SAA1: variants seen among roughly 807,000 people sequenced by gnomAD.
SAA1 encodes serum amyloid A-1 protein.
Under a neutral mutation model 9.8 loss-of-function variants are expected in SAA1, and 4 were observed. The ratio of observed to expected loss-of-function variants is 0.41; its 90% confidence interval spans 0.20 to 0.93. SAA1 has a LOEUF of 0.93. SAA1 is among the 40% of genes least tolerant of loss of function. The probability of loss-of-function intolerance (pLI) is 0.33; values close to 1 mark genes in which losing one functional copy is unlikely to be tolerated. For missense variants in SAA1, 114 were observed against 155.5 expected (o/e 0.73, Z 1.42); for synonymous variants, 47 against 57.7 (o/e 0.82, Z 0.84).
chr11:18,266,634 G>A, intron 1 of SAA1: 1 of 540,928 alleles, frequency 1.8e-6, no homozygotes, highest in South Asian at 2.1e-5. Context: ...GTGACAGTCT[G>A]GTGGTAACTC....
At chr11:18,268,919 G>C (rs1290970312) in intron 2 of SAA1, among the ~76,000 whole-genome samples, 1 of 146,620 alleles carries the variant, frequency 6.8e-6, no homozygotes, top group African/African-American at 2.6e-5. Context: ...ACCTTTCTCA[G>C]CATCAGTATT....
In SAA1 at chr11:18,266,942, C is replaced by A; in HGVS notation, c.55C>A (p.Arg19=). 6.2e-7 allele frequency: 1 copy of A among 1,611,680 alleles called. No individual in the cohort carries two copies. The highest frequency in any genetic ancestry group is 8.5e-7 in the Non-Finnish European group (1 of 1,179,478). Residue 19 remains arginine, a synonymous_variant, in exon 2 of 4, where the codon CGA becomes AGA. Coordinates refer to ENST00000356524, the MANE Select transcript of SAA1 (RefSeq NM_199161.5). ...CTCCTTGGTCCTGGGTGTCAGCAGC[C>A]GAAGCTTCTTTTCGTTCCTTGGCGA... ...FCSLVLGVSS[R]SFFSFLGEAF...
At position 18,269,717 on chromosome 11, in the gene SAA1, C is replaced by A. The variant is rs539813336; in HGVS notation, c.231C>A (p.Thr77=). The A allele has an allele frequency of 6.2e-7, 1 of 1,613,878 alleles. No homozygotes were observed. The highest frequency in any genetic ancestry group is 1.3e-5 in the African/African-American group (1 of 75,040). The part of the protein sequence containing the change: ...PGGAWAAEVI[T]DARENIQRFF... ...TCCTTCTTGCCTGCCTTGATTACAG[C>A]GATGCCAGAGAGAATATCCAGAGAT... Residue 77 remains threonine (T), a splice_region_variant and synonymous_variant, in exon 4 of 4, where the codon ACC becomes ACA. Transcript: ENST00000356524.
At chr11:18,268,519 C>G (rs1178242488) in intron 2 of SAA1, among the ~76,000 whole-genome samples, 1 of 152,152 alleles carries the variant, frequency 6.6e-6, no homozygotes, top group Non-Finnish European at 1.5e-5. Flanking sequence ...GTCACAATGA[C>G]GTGTATTCCA....
chr11:18,268,779 G>A (rs150484339), intron 2 of SAA1, among the ~76,000 whole-genome samples: 10 of 143,712 alleles, frequency 7.0e-5, no homozygotes, highest in African/African-American at 2.6e-4. Context: ...GTTGCGATGA[G>A]CTGAGATAGC....
At position 18,269,804 on chromosome 11, in the gene SAA1, TG is replaced by T; in HGVS notation, c.320del (p.Gly107AlafsTer51). On this transcript the variant is annotated frameshift_variant, in exon 4 of 4. Coordinates refer to ENST00000356524, the MANE Select transcript of SAA1 (RefSeq NM_199161.5). LOFTEE classifies it high-confidence loss of function. ...DQAANEWGRS[G>X]KDPNHFRPAG... The stretch of plus-strand genomic sequence containing the variant: ...AGGCTGCCAATGAATGGGGCAGGAG[TG>T]GCAAAGACCCCAATCACTTCCGACC... 6.2e-7 allele frequency: 1 copy of T among 1,613,710 alleles called. No individual in the cohort carries two copies. The highest frequency in any genetic ancestry group is 8.5e-7 in the Non-Finnish European group (1 of 1,179,946).
intron 2 of SAA1, among the ~76,000 whole-genome samples, chr11:18,268,733 T>G (rs1403294400): frequency 6.7e-6 from 1 of 149,454 alleles, no homozygotes. Context: ...CTCAGGAGGC[T>G]GAGGCAGAAG....
intron 2 of SAA1, among the ~76,000 whole-genome samples, chr11:18,268,199 C>T (rs145589479): frequency 0.038 from 5,708 of 149,956 alleles, 173 homozygotes; most frequent in African/African-American, 0.081. Context: ...GGTGAAACCC[C>T]GTCTCTACTA....
chr11:18,267,269 G>A (rs1387406609), intron 2 of SAA1, among the ~76,000 whole-genome samples: 3 of 84,864 alleles, frequency 3.5e-5, no homozygotes, highest in Admixed American at 1.2e-4. Context: ...CTCCTGAGCC[G>A]TAAGGGACGG....
intron 3 of SAA1, among the ~76,000 whole-genome samples, 185 bp downstream of exon 3, chr11:18,269,518 C>CCG (rs1858155910): frequency 1.3e-5 from 2 of 152,158 alleles, no homozygotes; most frequent in African/African-American, 4.8e-5. Context: ...ATTCCTCATC[C>CCG]TCCCTCTCTG....
rs767975268 is a variant in SAA1 at position 18,266,965 on chromosome 11, C to T, written c.78C>T (p.Gly26=). The T allele has an allele frequency of 1.6e-5, 25 of 1,607,216 alleles. No homozygotes were observed. Among genetic ancestry groups the T allele is most frequent in the African/African-American group, 5.5e-5 (4 of 72,582 alleles). The change falls in exon 2 of 4, where the codon GGC becomes GGT. Residue 26 remains glycine (G), a synonymous_variant. Transcript: ENST00000356524. ...GCCGAAGCTTCTTTTCGTTCCTTGG[C>T]GAGGCTTTTGATGGTAAGGCTTCAG... ...VSSRSFFSFL[G]EAFDGARDMW... is the part of the protein sequence containing the mutation.
chr11:18,266,759 C>G (rs1384824565), intron 1 of SAA1, 125 bp from the exon 2 acceptor site: 9 of 745,494 alleles, frequency 1.2e-5, no homozygotes, highest in Non-Finnish European at 1.9e-5. Flanking sequence ...GCAAGGTTTC[C>G]TAGATGAGCC....
intron 1 of SAA1, 73 bp downstream of exon 1, chr11:18,266,369 T>C (rs1225818415): frequency 6.9e-6 from 1 of 144,256 alleles, no homozygotes; most frequent in African/African-American, 2.5e-5. Flanking sequence ...TATCATTTCC[T>C]TTAAAAAAAA....
rs1043319594 is a variant in SAA1, at chr11:18,269,920, G to A, written c.*65G>A. 2.2e-5 allele frequency: 35 copies of A among 1,599,688 alleles called. No homozygotes were observed. In the Admixed American group the frequency reaches 2.4e-4, roughly 11 times the overall value. ...GGCCCTCAGGGCAGGGATACAAAGC[G>A]GGGAGAGGGTACACAATGGGTATCT... is the stretch of plus-strand genomic sequence containing the variant. On this transcript the variant is annotated 3_prime_UTR_variant, in exon 4 of 4. Transcript: ENST00000356524.
At chr11:18,267,397 G>GACT in intron 2 of SAA1, among the ~76,000 whole-genome samples, 1 of 71,682 alleles carries the variant, frequency 1.4e-5, no homozygotes, top group Non-Finnish European at 3.1e-5. Context: ...GAGAGTCGAG[G>GACT]ATTGTTGTCA....
At chr11:18,269,690 T>A in intron 3 of SAA1, 27 bp from the exon 4 acceptor site, 1 of 1,613,312 alleles carries the variant, frequency 6.2e-7, no homozygotes. Flanking sequence ...TGATTATTAA[T>A]CTCCTTCTTG....
Position 18,269,697 on chromosome 11 carries a change from C to A in SAA1, c.231-20C>A, listed in dbSNP as rs374676694. On this transcript the variant is annotated intron_variant, in intron 3 of 3. Coordinates refer to ENST00000356524, the MANE Select transcript of SAA1 (RefSeq NM_199161.5). The stretch of plus-strand genomic sequence containing the variant: ...CACTGGCCTGATTATTAATCTCCTT[C>A]TTGCCTGCCTTGATTACAGCGATGC... 2.7e-5 allele frequency: 43 copies of A among 1,613,646 alleles called. No homozygotes were observed. In the East Asian group the frequency reaches 6.2e-4, roughly 23 times the overall value.
intron 3 of SAA1, 147 bp from the exon 4 acceptor site, chr11:18,269,570 T>TG: frequency 7.2e-7 from 1 of 1,397,686 alleles, no homozygotes; most frequent in Non-Finnish European, 9.7e-7. Context: ...CCTGGCTGAA[T>TG]GGGGTGGTGC....
At chr11:18,268,897 T>C (rs1858122059) in intron 2 of SAA1, among the ~76,000 whole-genome samples, 2 of 140,058 alleles carry the variant, frequency 1.4e-5, no homozygotes, top group Admixed American at 1.4e-4. Flanking sequence ...GCAGAAGTAC[T>C]CTGTGTCTGC....
Sources: allele counts gnomAD v4.1 joint callset (sites outside exome capture counted in the v4.1 genomes callset), GRCh38; gene constraint gnomAD v4.1.1; transcripts MANE v1.5; gene names NCBI Gene and HGNC (gene_info 2026-07-23, HGNC 2026-07-21).